BTBD7: variants seen among roughly 807,000 people sequenced by gnomAD.
BTBD7 encodes BTB domain containing 7, also known as BTB/POZ domain-containing protein 7.
In BTBD7, 38 loss-of-function variants were observed where a neutral mutation model predicts 99.9. The observed-to-expected ratio is 0.38, with a 90% CI of 0.29 to 0.50. The LOEUF (loss-of-function observed/expected upper bound fraction) is 0.50, where lower values mean the gene tolerates loss of function less well. Among genes scored for constraint, BTBD7 ranks in the 20% least tolerant of loss-of-function variants. BTBD7 has a pLI of 0.93. For synonymous variants in BTBD7, 520 were observed against 511.4 expected, an observed-to-expected ratio of 1.02 and a Z score of -0.23; for missense variants, 1,170 against 1,394.6, an observed-to-expected ratio of 0.84 and a Z score of 2.57.
intron 6 of BTBD7, among the ~76,000 whole-genome samples, chr14:93,254,856 G>A (rs900947078): frequency 6.6e-6 from 1 of 152,162 alleles, no homozygotes; most frequent in Non-Finnish European, 1.5e-5. Flanking sequence ...GGGGACTTAC[G>A]ATGTGTTAGG....
chr14:93,290,574 G>A (rs2052838865), intron 3 of BTBD7, among the ~76,000 whole-genome samples: 2 of 146,762 alleles, frequency 1.4e-5, no homozygotes, highest in Admixed American at 1.4e-4. Context: ...CTGGAGTGGA[G>A]TGGTGCAATC....
intron 8 of BTBD7, 60 bp downstream of exon 8, chr14:93,251,403 C>CA: frequency 6.7e-7 from 1 of 1,488,104 alleles, no homozygotes; most frequent in African/African-American, 1.4e-5. Flanking sequence ...CAAACATCAG[C>CA]AATTTCAAAA....
rs1294663633 is a variant in BTBD7, at chr14:93,279,231, GC to G, written c.1162+14626del. Among the ~76,000 whole-genome samples the G allele has an allele frequency of 2.0e-5, 3 of 152,118 alleles. No individual in the cohort carries two copies. The East Asian group carries it at 5.8e-4, about 29-fold the overall frequency. On this transcript the variant is annotated intron_variant, in intron 3 of 10. Coordinates refer to ENST00000334746, the MANE Select transcript of BTBD7 (RefSeq NM_001002860.4). Reference sequence around the variant, plus strand: ...AGTATACTGAATTCTTTATCTTATAGCCGTGTTTGCCTCTGTTGCCTCATTT... The same window carrying G: ...AGTATACTGAATTCTTTATCTTATAGCGTGTTTGCCTCTGTTGCCTCATTT...
At chr14:93,293,357 A>G (rs932794216) in intron 3 of BTBD7, among the ~76,000 whole-genome samples, 1 of 152,262 alleles carries the variant, frequency 6.6e-6, no homozygotes, top group African/African-American at 2.4e-5. Context: ...GAATCTAAAA[A>G]TAAGATAAGG....
In BTBD7 at chr14:93,245,054, G is replaced by T. The variant is rs192860033; in HGVS notation, c.2583+771C>A. Among the ~76,000 whole-genome samples, 70 of 150,988 alleles carry T rather than the reference G, an allele frequency of 4.6e-4. No individual in the cohort carries two copies. In the East Asian group the frequency reaches 0.012, roughly 26 times the overall value. ...CATTTGTTTATTTGGTAGAGTCAGG[G>T]TCTCACTATGTTTCCTAGGCTGGGT... On this transcript the variant is annotated intron_variant, in intron 10 of 10. Coordinates refer to ENST00000334746, the MANE Select transcript of BTBD7 (RefSeq NM_001002860.4).
At chr14:93,324,364 G>C (rs1331460955) in intron 1 of BTBD7, among the ~76,000 whole-genome samples, 3 of 151,032 alleles carry the variant, frequency 2.0e-5, no homozygotes, top group African/African-American at 7.4e-5. Context: ...CAAGGTTGGA[G>C]TGAGCTGTGA....
chr14:93,263,503 T>C (rs1447796414), intron 4 of BTBD7, among the ~76,000 whole-genome samples: 1 of 152,154 alleles, frequency 6.6e-6, no homozygotes, highest in Non-Finnish European at 1.5e-5. Context: ...GAAAATCATG[T>C]TGGGATGTGC....
intron 9 of BTBD7, among the ~76,000 whole-genome samples, chr14:93,246,736 T>C (rs2052316444): frequency 6.6e-6 from 1 of 152,252 alleles, no homozygotes. Flanking sequence ...CCATTATACA[T>C]GACTAAGTCT....
intron 6 of BTBD7, chr14:93,256,628 A>G (rs1365252060): frequency 6.6e-6 from 1 of 152,432 alleles, no homozygotes; most frequent in Non-Finnish European, 1.5e-5. Flanking sequence ...CATGTTGGCC[A>G]GGCTGGTCTC....
intron 2 of BTBD7, 71 bp downstream of exon 2, chr14:93,295,899 A>G (rs2052920376): frequency 7.0e-7 from 1 of 1,424,410 alleles, no homozygotes; most frequent in African/African-American, 1.4e-5. Context: ...TTTGTCATCT[A>G]CAGAGACTAC....
chr14:93,278,222 G>A (rs2052678523), intron 3 of BTBD7, among the ~76,000 whole-genome samples: 1 of 152,060 alleles, frequency 6.6e-6, no homozygotes, highest in African/African-American at 2.4e-5. Context: ...AGACCAGCCT[G>A]GCCAACATGG....
chr14:93,329,722 TA>T (rs1177335170), intron 1 of BTBD7, among the ~76,000 whole-genome samples: 1 of 152,200 alleles, frequency 6.6e-6, no homozygotes, highest in Non-Finnish European at 1.5e-5. Context: ...TAATTTCACT[TA>T]TACGTGGTAC....
Position 93,313,882 on chromosome 14 carries a change from T to C in BTBD7, c.-106-17725A>G, listed in dbSNP as rs547243608. Among the ~76,000 whole-genome samples, 3 of 152,050 alleles carry C rather than the reference T, an allele frequency of 2.0e-5. No homozygotes were observed. In the East Asian group the frequency reaches 5.8e-4, roughly 29 times the overall value. Reference sequence around the variant, plus strand: ...CCAAGTAGCTAGGACTATAGGTGTGTGCCAGCGTGCCCAGCTAATGAACAA... The same window carrying C: ...CCAAGTAGCTAGGACTATAGGTGTGCGCCAGCGTGCCCAGCTAATGAACAA... On this transcript the variant is annotated intron_variant, in intron 1 of 10. Coordinates refer to ENST00000334746, the MANE Select transcript of BTBD7 (RefSeq NM_001002860.4).
At chr14:93,329,381 G>C (rs1283146824) in intron 1 of BTBD7, among the ~76,000 whole-genome samples, 1 of 152,024 alleles carries the variant, frequency 6.6e-6, no homozygotes, top group African/African-American at 2.4e-5. Context: ...CAAATAACAA[G>C]TATTGGTGAA....
chr14:93,258,523 CCTT>C (rs1264916135), intron 5 of BTBD7, among the ~76,000 whole-genome samples: 1 of 152,122 alleles, frequency 6.6e-6, no homozygotes, highest in African/African-American at 2.4e-5. Context: ...CACTTAGCTT[CCTT>C]CTTATCCTTG....
chr14:93,297,618 A>G (rs1222395448), intron 1 of BTBD7, among the ~76,000 whole-genome samples: 1 of 152,360 alleles, frequency 6.6e-6, no homozygotes, highest in East Asian at 1.9e-4. Flanking sequence ...ATTCCACTTC[A>G]AACTTAAAAA....
chr14:93,252,045 C>T (rs1174026720), intron 7 of BTBD7, among the ~76,000 whole-genome samples: 1 of 152,132 alleles, frequency 6.6e-6, no homozygotes, highest in Non-Finnish European at 1.5e-5. Context: ...CGTGGTGACT[C>T]ATGCCTGTAA....
intron 1 of BTBD7, among the ~76,000 whole-genome samples, chr14:93,322,309 T>C (rs2139825040): frequency 6.6e-6 from 1 of 152,086 alleles, no homozygotes; most frequent in Non-Finnish European, 1.5e-5. Context: ...TGTAGAGGTG[T>C]GATCTCGCTA....
rs1030560477 is a variant in BTBD7 at position 93,251,449 on chromosome 14, A to G, written c.1942+14T>C. ...TTATTCATTTAAATATAAACACCCAACATACTGCCTTACCTGGAATTTCGT... is the reference window on the plus strand; with the variant it reads ...TTATTCATTTAAATATAAACACCCAGCATACTGCCTTACCTGGAATTTCGT... On this transcript the variant is annotated intron_variant, in intron 8 of 10. Coordinates refer to ENST00000334746, the MANE Select transcript of BTBD7 (RefSeq NM_001002860.4). The G allele has an allele frequency of 5.1e-6, 8 of 1,575,994 alleles. No homozygotes were observed. The highest frequency in any genetic ancestry group is 2.3e-5 in the South Asian group (2 of 86,146).
Sources: allele counts gnomAD v4.1 joint callset (sites outside exome capture counted in the v4.1 genomes callset), GRCh38; gene constraint gnomAD v4.1.1; transcripts MANE v1.5; gene names NCBI Gene and HGNC (gene_info 2026-07-23, HGNC 2026-07-21).